PLCE1: variants seen among roughly 807,000 people sequenced by gnomAD.
PLCE1 encodes the protein 1-phosphatidylinositol 4,5-bisphosphate phosphodiesterase epsilon-1.
PLCE1 carries 119 observed loss-of-function variants against 242.8 expected under a neutral mutation model. The ratio of observed to expected loss-of-function variants is 0.49; its 90% CI spans 0.42 to 0.57. The LOEUF is 0.57. Ranked by LOEUF, PLCE1 falls within the 20% of genes least tolerant of loss-of-function variation. The probability of loss-of-function intolerance (pLI) is 0.00; values close to 1 mark genes in which losing one functional copy is unlikely to be tolerated. For synonymous variants in PLCE1, 945 were observed against 1,017.4 expected (o/e 0.93, Z 1.35); for missense variants, 2,441 against 2,788.8 (o/e 0.88, Z 2.81).
intron 2 of PLCE1, chr10:94,108,831 C>G (rs932861823): frequency 1.3e-5 from 2 of 152,246 alleles, no homozygotes; most frequent in Non-Finnish European, 2.9e-5. Context: ...AGTGACATCA[C>G]AAAGCACAAT....
At chr10:94,086,397 C>T (rs889326463) in intron 2 of PLCE1, among the ~76,000 whole-genome samples, 4 of 152,222 alleles carry the variant, frequency 2.6e-5, no homozygotes, top group Non-Finnish European at 2.9e-5. Flanking sequence ...GCCAAAATTA[C>T]ATCCACCCTT....
chr10:94,286,250 G>GTC (rs1261245762), intron 22 of PLCE1, among the ~76,000 whole-genome samples: 3 of 152,126 alleles, frequency 2.0e-5, no homozygotes, highest in African/African-American at 7.2e-5. Context: ...TTCAAGATGG[G>GTC]CTGAACTCAG....
In PLCE1 at chr10:94,106,943, T is replaced by TCTCTCTCTCTCTCTCC. The variant is rs1222191133; in HGVS notation, c.1207-25230_1207-25229insTCTCTCTCTCTCTCCC. On this transcript the variant is annotated intron_variant, in intron 2 of 32. Transcript: ENST00000371380. Reference sequence around the variant, plus strand: ...CTCTCTCTCTCTCTCTCTCTCTCTCTCCCCCTCCCCTCCCCCCCCCAACAC... The same window carrying TCTCTCTCTCTCTCTCC: ...CTCTCTCTCTCTCTCTCTCTCTCTCTCTCTCTCTCTCTCTCCCCCCCTCCCCTCCCCCCCCCAACAC... 64 of 122,526 alleles carry TCTCTCTCTCTCTCTCC rather than the reference T, an allele frequency of 5.2e-4. 1 individual carries two copies. The highest frequency in any genetic ancestry group is 1.6e-3 in the African/African-American group (50 of 30,366). 7.6% of individuals were successfully genotyped at this position (122,526 alleles called of 1,614,324 possible).
In PLCE1 at chr10:94,262,571, A is replaced by G. The variant is rs762769053; in HGVS notation, c.3892A>G (p.Ile1298Val). ...KQQLSDNQRQ[I>V]SDAIAAASIV... The stretch of plus-strand genomic sequence containing the variant: ...GCAGCTATCGGACAACCAGAGGCAG[A>G]TATCTGATGCCATTGCTGCTGCAAG... Residue 1298 changes from isoleucine (I) to valine (V), a missense_variant, in exon 14 of 33, where the codon ATA (isoleucine) becomes GTA (valine). Transcript: ENST00000371380. 5 of 1,614,090 alleles carry G rather than the reference A, an allele frequency of 3.1e-6. No individual in the cohort carries two copies. The Admixed American group carries it at 8.3e-5, about 27-fold the overall frequency.
In PLCE1 at chr10:94,321,958, G is replaced by A; in HGVS notation, c.6400G>A (p.Glu2134Lys). 1 of 1,613,854 alleles carries A rather than the reference G, an allele frequency of 6.2e-7. No individual in the cohort carries two copies. The highest frequency in any genetic ancestry group is 8.5e-7 in the Non-Finnish European group (1 of 1,179,786). The change falls in exon 30 of 33, where the codon GAG becomes AAG. Residue 2134 changes from glutamate to lysine, a missense_variant. By Grantham distance (56) the Glu-to-Lys change is moderately conservative. Around this residue, in one of 5 missense-constraint regions of PLCE1, gnomAD observed 310 missense variants for 317.2 expected, o/e 0.98. Transcript: ENST00000371380. ...DDKEVILSSE[E>K]ESFFVQVHDV... ...CAAAGAGGTGATCTTGAGCTCAGAGGAGGAGAGTTTCTTTGTCCAAGTGCA... is the reference window on the plus strand; with the variant it reads ...CAAAGAGGTGATCTTGAGCTCAGAGAAGGAGAGTTTCTTTGTCCAAGTGCA...
chr10:94,315,138 T>C (rs1335852655), intron 28 of PLCE1: 2 of 293,234 alleles, frequency 6.8e-6, no homozygotes, highest in Non-Finnish European at 1.3e-5. Flanking sequence ...ATTATCCCTA[T>C]AGTATTTGCC....
At chr10:94,192,398 G>A (rs2048695318) in intron 4 of PLCE1, among the ~76,000 whole-genome samples, 2 of 152,146 alleles carry the variant, frequency 1.3e-5, no homozygotes, top group South Asian at 4.1e-4. Context: ...TTATGTCCAT[G>A]TGTACCCAGT....
intron 2 of PLCE1, among the ~76,000 whole-genome samples, chr10:94,102,090 A>G (rs1206745200): frequency 3.9e-5 from 6 of 152,258 alleles, no homozygotes; most frequent in Non-Finnish European, 5.9e-5. Context: ...AGCCAGATGC[A>G]TTGAATCAGG....
rs2053708455 is a variant in PLCE1, at chr10:94,319,683, T to C, written c.6343-2218T>C. On this transcript the variant is annotated intron_variant, in intron 29 of 32. Coordinates refer to ENST00000371380, the MANE Select transcript of PLCE1 (RefSeq NM_016341.4). ...AAAATCTATATACAAACTACCCTAC[T>C]TGACTCAAAGAAATGATCATGAGAC... is the stretch of plus-strand genomic sequence containing the variant. Among the ~76,000 whole-genome samples, 3 of 152,036 alleles carry C rather than the reference T, an allele frequency of 2.0e-5. No homozygotes were observed. The South Asian group carries it at 6.2e-4, about 32-fold the overall frequency.
rs777573626 is a variant in PLCE1, at chr10:94,089,203, T to C, written c.1207-42971T>C. 1.9e-6 allele frequency: 3 copies of C among 1,613,914 alleles called. No homozygotes were observed. In the African/African-American group the frequency reaches 4.0e-5, roughly 22 times the overall value. On this transcript the variant is annotated intron_variant, in intron 2 of 32. Coordinates refer to ENST00000371380, the MANE Select transcript of PLCE1 (RefSeq NM_016341.4). ...GATTAAGATTTGGCACCAGGCTTGG[T>C]TTCTGTGCAGCCTCTTAGGCAGAGA...
intron 1 of PLCE1, among the ~76,000 whole-genome samples, chr10:93,996,183 C>T (rs2060817698): frequency 6.6e-6 from 1 of 152,220 alleles, no homozygotes. Flanking sequence ...CTATATAGGA[C>T]AGTTGCTTTA....
At chr10:94,103,238 A>G (rs2135514859) in intron 2 of PLCE1, among the ~76,000 whole-genome samples, 1 of 152,266 alleles carries the variant, frequency 6.6e-6, no homozygotes, top group South Asian at 2.1e-4. Flanking sequence ...CATTATCACC[A>G]TTTTACAGAT....
intron 2 of PLCE1, among the ~76,000 whole-genome samples, chr10:94,127,253 T>C (rs538984995): frequency 2.0e-5 from 3 of 152,288 alleles, no homozygotes; most frequent in African/African-American, 7.2e-5. Context: ...TGTGAATTAG[T>C]TGGGTAGTTC....
intron 2 of PLCE1, among the ~76,000 whole-genome samples, chr10:94,091,437 A>G (rs1163951501): frequency 6.6e-6 from 1 of 152,222 alleles, no homozygotes; most frequent in Non-Finnish European, 1.5e-5. Context: ...TGGTTACAAC[A>G]CAGCTTCTGA....
intron 5 of PLCE1, among the ~76,000 whole-genome samples, chr10:94,229,036 G>C (rs1315910503): frequency 1.3e-5 from 2 of 151,942 alleles, no homozygotes; most frequent in African/African-American, 2.4e-5. Flanking sequence ...ACAAAAATTA[G>C]CTGGGCATGG....
intron 3 of PLCE1, among the ~76,000 whole-genome samples, chr10:94,160,790 G>A (rs2047586298): frequency 6.6e-6 from 1 of 152,208 alleles, no homozygotes; most frequent in Admixed American, 6.5e-5. Context: ...CGTATAAGGT[G>A]TAAGGAAGGC....
chr10:94,263,758 C>T (rs754281423), intron 14 of PLCE1, among the ~76,000 whole-genome samples: 13 of 151,968 alleles, frequency 8.6e-5, no homozygotes, highest in Non-Finnish European at 1.8e-4. Flanking sequence ...TGTATTATTA[C>T]ATAATATGTT....
At chr10:94,043,286 A>G (rs1353302976) in intron 2 of PLCE1, among the ~76,000 whole-genome samples, 1 of 152,224 alleles carries the variant, frequency 6.6e-6, no homozygotes, top group Admixed American at 6.5e-5. Context: ...AGCGCAGTCG[A>G]ACCCGCTATG....
At chr10:94,253,115 T>C (rs1186727368) in intron 9 of PLCE1, among the ~76,000 whole-genome samples, 1 of 152,238 alleles carries the variant, frequency 6.6e-6, no homozygotes, top group African/African-American at 2.4e-5. Flanking sequence ...AGTGATAATA[T>C]ATTTGCTTCA....
Sources: gnomAD v4.1 joint callset for allele counts (sites outside exome capture counted in the v4.1 genomes callset) on GRCh38, gnomAD v4.1.1 for gene constraint, gnomAD v4.1.1 regional missense constraint, MANE v1.5 for transcripts, NCBI Gene and HGNC (gene_info 2026-07-23, HGNC 2026-07-21) for gene names.